ABR: variants seen among roughly 807,000 people sequenced by gnomAD.
The protein encoded by ABR is active breakpoint cluster region-related protein.
A neutral mutation model predicts 107.2 loss-of-function variants in ABR; 35 were observed. That is an observed-to-expected ratio of 0.33 (90% CI 0.25 to 0.43). The LOEUF is 0.43. Among genes scored for constraint, ABR ranks in the 20% least tolerant of loss-of-function variants. The probability of loss-of-function intolerance (pLI) is 1.00; values close to 1 mark genes in which losing one functional copy is unlikely to be tolerated. For missense variants in ABR, 815 were observed against 1,115.2 expected (o/e 0.73, Z 3.83); for synonymous variants, 498 against 462.0 (o/e 1.08, Z -1.00).
intron 16 of ABR, among the ~76,000 whole-genome samples, chr17:1,042,020 C>T (rs1230945891): frequency 6.6e-6 from 1 of 152,182 alleles, no homozygotes; most frequent in Non-Finnish European, 1.5e-5. Context: ...GGGTCCTGCT[C>T]ATCTATTACA....
intron 1 of ABR, among the ~76,000 whole-genome samples, chr17:1,204,596 A>G (rs2042751693): frequency 6.6e-6 from 1 of 152,220 alleles, no homozygotes; most frequent in Non-Finnish European, 1.5e-5. Context: ...ACGTGTTCAG[A>G]TACACAAACA....
chr17:1,212,628 G>A lies in ABR; in HGVS notation c.838+16165C>T, dbSNP rs539922608. Among the ~76,000 whole-genome samples the A allele has an allele frequency of 5.3e-5, 8 of 152,218 alleles. No individual in the cohort carries two copies. In the South Asian group the frequency reaches 1.0e-3, roughly 20 times the overall value. On this transcript the variant is annotated intron_variant, in intron 1 of 22. Transcript: ENST00000574139. The stretch of plus-strand genomic sequence containing the variant: ...AAATTGGCCGGGCATGGTGGCTCAC[G>A]CCTGTAATCCCAGCACTTTGGGAGG...
At chr17:1,175,763 A>G (rs532904676) in intron 1 of ABR, among the ~76,000 whole-genome samples, 1 of 152,230 alleles carries the variant, frequency 6.6e-6, no homozygotes, top group South Asian at 2.1e-4. Context: ...TCCTGTCAAA[A>G]CCAGAAAGAA....
chr17:1,074,823 G>C (rs1017890384), intron 6 of ABR, among the ~76,000 whole-genome samples: 1 of 152,202 alleles, frequency 6.6e-6, no homozygotes, highest in Non-Finnish European at 1.5e-5. Context: ...GCACATGCCT[G>C]TAATCCCAGC....
At chr17:1,153,070 TAAA>T in intron 1 of ABR, among the ~76,000 whole-genome samples, 1 of 151,326 alleles carries the variant, frequency 6.6e-6, no homozygotes, top group East Asian at 1.9e-4. Flanking sequence ...GAAACTCCGT[TAAA>T]AAAAAAATTT....
rs574603565 is a variant in ABR at position 1,011,307 on chromosome 17, T to C, written c.2102-444A>G. On this transcript the variant is annotated intron_variant, in intron 19 of 22. Transcript: ENST00000302538. This position sits in a 1 kb window ranked among gnomAD's most constrained non-coding sequence, Gnocchi z 4.8. Reference sequence around the variant, plus strand: ...CGGCCAGTTCCCAGGCCCCACCCCGTCCTCCACTCCAGGCTCCCCACGGAT... The same window carrying C: ...CGGCCAGTTCCCAGGCCCCACCCCGCCCTCCACTCCAGGCTCCCCACGGAT... The C allele has an allele frequency of 3.3e-5, 6 of 183,492 alleles. No individual in the cohort carries two copies. Among genetic ancestry groups the C allele is most frequent in the African/African-American group, 1.2e-4 (5 of 42,322 alleles). The allele number at this position is 183,492 out of a possible 1,614,324, so 11.4% of individuals were successfully genotyped here. A position where few individuals can be genotyped will look rare whatever the true frequency, so the allele number is the denominator to read the frequency against.
intron 2 of ABR, among the ~76,000 whole-genome samples, chr17:1,104,013 C>T (rs551247590): frequency 2.0e-5 from 3 of 152,246 alleles, no homozygotes; most frequent in African/African-American, 7.2e-5. Flanking sequence ...CCATTCCCAC[C>T]GGGAGCCAGG....
intron 11 of ABR, 89 bp from the exon 12 acceptor site, chr17:1,058,134 A>ATAT: frequency 5.6e-4 from 263 of 471,286 alleles, no homozygotes; most frequent in Non-Finnish European, 8.0e-4. Flanking sequence ...AGCTCCTTTT[A>ATAT]TCTTTTTTTT....
chr17:1,209,591 T>G lies in ABR; in HGVS notation c.838+19202A>C, dbSNP rs541961366. 2.9e-4 allele frequency among the ~76,000 whole-genome samples: 44 copies of G among 152,264 alleles called. No homozygotes were observed. The South Asian group carries it at 8.7e-3, about 30-fold the overall frequency. ...CTTGAATGGTGCCTGAATCCCTTTC[T>G]TCCAGATAGAGTTTATGGTAGCCCA... On this transcript the variant is annotated intron_variant, in intron 1 of 22. Coordinates refer to the ABR transcript ENST00000574139.
chr17:1,146,585 CCTGCCACCATGCCACCA>C (rs2151512871), intron 1 of ABR, among the ~76,000 whole-genome samples: 1 of 151,746 alleles, frequency 6.6e-6, no homozygotes, highest in South Asian at 2.1e-4. Flanking sequence ...TGCCCAGACA[CCTGCCACCATGCCACCA>C]CTGCCACATG....
intron 14 of ABR, among the ~76,000 whole-genome samples, chr17:1,054,187 G>T (rs79945194): frequency 6.6e-6 from 1 of 152,230 alleles, no homozygotes; most frequent in African/African-American, 2.4e-5. Context: ...GGCTCAGAGC[G>T]GACCGTGAGA....
chr17:1,004,864 G>T lies in ABR; in HGVS notation c.*1216C>A. ...CGTGGGCCTGTGCCTTTGCTTCCCA[G>T]GTCCTGGAGGACCGTGGCAGTGCTT... On this transcript the variant is annotated 3_prime_UTR_variant, in exon 23 of 23. Transcript: ENST00000302538. The T allele has an allele frequency of 2.5e-6, 1 of 396,188 alleles. No homozygotes were observed. The highest frequency in any genetic ancestry group is 4.4e-6 in the Non-Finnish European group (1 of 224,800). The allele number at this position is 396,188 out of a possible 1,614,324, so 24.5% of individuals were successfully genotyped here. A position where few individuals can be genotyped will look rare whatever the true frequency, so the allele number is the denominator to read the frequency against.
chr17:1,008,659 TCCA>T (rs1481784502), intron 21 of ABR, among the ~76,000 whole-genome samples: 4 of 152,208 alleles, frequency 2.6e-5, no homozygotes, highest in African/African-American at 7.2e-5. Context: ...CGTCCAGGTC[TCCA>T]CTGGCTCTCC....
chr17:1,038,326 G>A (rs985995339), intron 16 of ABR, among the ~76,000 whole-genome samples: 5 of 152,244 alleles, frequency 3.3e-5, no homozygotes, highest in African/African-American at 1.2e-4. Flanking sequence ...TAGGGGCTTT[G>A]TAAGGACACC....
chr17:1,023,939 C>T (rs531836263), intron 16 of ABR, among the ~76,000 whole-genome samples: 11 of 148,220 alleles, frequency 7.4e-5, no homozygotes, highest in South Asian at 2.2e-4. Flanking sequence ...GCAGGAGAAC[C>T]GCTTGAACCC....
intron 1 of ABR, among the ~76,000 whole-genome samples, chr17:1,196,061 G>A (rs1473526230): frequency 7.2e-6 from 1 of 138,206 alleles, no homozygotes; most frequent in Admixed American, 7.3e-5. Flanking sequence ...CCAAGAAGGA[G>A]AAGGTTGCAG....
chr17:1,191,625 G>A (rs2042438606), upstream of ABR, among the ~76,000 whole-genome samples: 1 of 152,024 alleles, frequency 6.6e-6, no homozygotes, highest in Non-Finnish European at 1.5e-5. Flanking sequence ...CAAAGTGCTG[G>A]GACTCCAGGC....
chr17:1,159,297 G>A (rs1360894478), intron 1 of ABR, among the ~76,000 whole-genome samples: 2 of 66,932 alleles, frequency 3.0e-5, no homozygotes, highest in Admixed American at 1.6e-4. Context: ...GTAAGAATGC[G>A]GTACTCACAC....
intron 2 of ABR, among the ~76,000 whole-genome samples, chr17:1,108,164 G>C (rs989039962): frequency 1.8e-4 from 27 of 152,388 alleles, no homozygotes; most frequent in African/African-American, 6.5e-4. Context: ...GCAAAAGGCT[G>C]AGGTGGAAGC....
Sources: allele counts gnomAD v4.1 joint callset (sites outside exome capture counted in the v4.1 genomes callset), GRCh38; gene constraint gnomAD v4.1.1; non-coding constraint Gnocchi (gnomAD v3.1); transcripts MANE v1.5; gene names NCBI Gene and HGNC (gene_info 2026-07-23, HGNC 2026-07-21).